SLC35F1: variants seen among roughly 807,000 people sequenced by gnomAD.
SLC35F1 encodes solute carrier family 35 member F1, also known as chromosome 6 open reading frame 169.
Under a neutral mutation model 48.7 loss-of-function variants are expected in SLC35F1, and 14 were observed. The observed-to-expected ratio is 0.29, with a 90% CI of 0.19 to 0.45. The LOEUF (loss-of-function observed/expected upper bound fraction) is 0.45, where lower values mean the gene tolerates loss of function less well. Among genes scored for constraint, SLC35F1 ranks in the 20% least tolerant of loss-of-function variants. The pLI is 1.00. For missense variants in SLC35F1, 404 were observed against 500.0 expected, an observed-to-expected ratio of 0.81 and a Z score of 1.83; for synonymous variants, 190 against 202.2, an observed-to-expected ratio of 0.94 and a Z score of 0.51.
At chr6:118,138,320 A>G (rs1773828716) in intron 1 of SLC35F1, among the ~76,000 whole-genome samples, 1 of 152,106 alleles carries the variant, frequency 6.6e-6, no homozygotes, top group Admixed American at 6.6e-5. Flanking sequence ...AAAAAAAAAA[A>G]AATTAAAAAC....
intron 1 of SLC35F1, among the ~76,000 whole-genome samples, chr6:118,007,025 ATGT>A (rs953810303): frequency 1.9e-4 from 24 of 129,702 alleles, no homozygotes; most frequent in South Asian, 7.2e-4. Context: ...TTGACAACAC[ATGT>A]TGTTTTTTTT....
intron 3 of SLC35F1, among the ~76,000 whole-genome samples, chr6:118,244,449 A>G (rs1327705481): frequency 1.3e-5 from 2 of 152,256 alleles, no homozygotes; most frequent in Admixed American, 6.5e-5. Flanking sequence ...AGTCATATTG[A>G]TACTCATTTT....
At chr6:118,195,449 A>G (rs960541903) in intron 2 of SLC35F1, among the ~76,000 whole-genome samples, 3 of 152,040 alleles carry the variant, frequency 2.0e-5, no homozygotes, top group Non-Finnish European at 2.9e-5. Context: ...TCAGGATCCC[A>G]TTTTTACCTA....
At chr6:118,242,289 T>C (rs1775451031) in intron 3 of SLC35F1, among the ~76,000 whole-genome samples, 1 of 152,244 alleles carries the variant, frequency 6.6e-6, no homozygotes, top group Non-Finnish European at 1.5e-5. Flanking sequence ...AATATTTCAT[T>C]GTGGTTTTAA....
intron 1 of SLC35F1, among the ~76,000 whole-genome samples, chr6:118,094,007 C>T (rs1255220107): frequency 1.3e-5 from 2 of 152,184 alleles, no homozygotes; most frequent in Admixed American, 6.5e-5. Flanking sequence ...TGCATGTAAA[C>T]CGATCTTTGA....
intron 1 of SLC35F1, among the ~76,000 whole-genome samples, chr6:117,940,043 G>A (rs1298765894): frequency 6.6e-6 from 1 of 152,178 alleles, no homozygotes; most frequent in East Asian, 1.9e-4. Flanking sequence ...GCTGATTAGA[G>A]AGACCCTGCT....
At chr6:118,034,036 C>T (rs1772091376) in intron 1 of SLC35F1, among the ~76,000 whole-genome samples, 1 of 152,118 alleles carries the variant, frequency 6.6e-6, no homozygotes, top group Non-Finnish European at 1.5e-5. Context: ...GTACTACTGT[C>T]AGAATATTTT....
intron 2 of SLC35F1, among the ~76,000 whole-genome samples, chr6:118,174,551 G>C (rs752644852): frequency 6.6e-6 from 1 of 152,070 alleles, no homozygotes; most frequent in Non-Finnish European, 1.5e-5. Context: ...TATCCAAGGT[G>C]TATGGGACAA....
chr6:118,137,468 G>T (rs910541470), intron 1 of SLC35F1, among the ~76,000 whole-genome samples: 4 of 152,130 alleles, frequency 2.6e-5, no homozygotes, highest in African/African-American at 9.7e-5. Context: ...ATTTGGGAAA[G>T]GAGTTCCCCC....
At chr6:118,001,010 A>C (rs973562600) in intron 1 of SLC35F1, among the ~76,000 whole-genome samples, 7 of 152,104 alleles carry the variant, frequency 4.6e-5, no homozygotes, top group Non-Finnish European at 1.0e-4. Flanking sequence ...ATATTGTGAA[A>C]ATGGCCATAC....
intron 6 of SLC35F1, among the ~76,000 whole-genome samples, chr6:118,278,529 G>A (rs983753274): frequency 5.3e-5 from 8 of 152,204 alleles, no homozygotes; most frequent in Non-Finnish European, 1.2e-4. Context: ...AAGGCACATT[G>A]TGAGCCACAG....
intron 1 of SLC35F1, among the ~76,000 whole-genome samples, chr6:118,012,496 G>C (rs900907646): frequency 2.0e-5 from 3 of 152,098 alleles, no homozygotes; most frequent in Admixed American, 6.6e-5. Context: ...GCCATGCTTT[G>C]AGAGCCATGC....
At position 118,049,356 on chromosome 6, in the gene SLC35F1, T is replaced by G. The variant is rs62431216; in HGVS notation, c.174-105089T>G. Among the ~76,000 whole-genome samples the G allele has an allele frequency of 7.3e-3, 1,114 of 152,116 alleles. 5 individuals are homozygous for G. The highest frequency in any genetic ancestry group is 0.013 in the Non-Finnish European group (865 of 67,972). On this transcript the variant is annotated intron_variant, in intron 1 of 7. Transcript: ENST00000360388. ...AAGCAATGGCAACAAAAGCCAAAAT[T>G]GACAAATGGGATCTAATTAAACTAA...
At chr6:118,238,741 A>G (rs1409171692) in intron 3 of SLC35F1, among the ~76,000 whole-genome samples, 1 of 152,150 alleles carries the variant, frequency 6.6e-6, no homozygotes, top group Admixed American at 6.5e-5. Context: ...AAAGTCTAGC[A>G]CTGTATTCTG....
intron 1 of SLC35F1, among the ~76,000 whole-genome samples, chr6:117,963,747 TG>T (rs1776526228): frequency 6.6e-6 from 1 of 152,208 alleles, no homozygotes; most frequent in African/African-American, 2.4e-5. Flanking sequence ...TTACTTTGGT[TG>T]GGTATAAACA....
chr6:118,197,469 A>C (rs909935099), intron 2 of SLC35F1, among the ~76,000 whole-genome samples: 1 of 152,234 alleles, frequency 6.6e-6, no homozygotes, highest in Non-Finnish European at 1.5e-5. Flanking sequence ...CATCTGGTTT[A>C]GAAAGTACAG....
chr6:118,268,997 A>T (rs1249274918), intron 4 of SLC35F1, among the ~76,000 whole-genome samples: 1 of 152,088 alleles, frequency 6.6e-6, no homozygotes, highest in Non-Finnish European at 1.5e-5. Flanking sequence ...TAGTTATAAA[A>T]ACTCTATCTT....
rs117681216 is a variant in SLC35F1, at chr6:117,989,245, G to A, written c.173+81346G>A. Among the ~76,000 whole-genome samples, 830 of 152,324 alleles carry A rather than the reference G, an allele frequency of 5.4e-3. 6 individuals carry two copies. Among genetic ancestry groups the A allele is most frequent in the Middle Eastern group, 0.027 (8 of 294 alleles). On this transcript the variant is annotated intron_variant, in intron 1 of 7. Transcript: ENST00000360388. ...TCCAGACAAAACAGTTTCACAAACA[G>A]CATCCTTGTACCATTTTTAGCTGAA...
intron 6 of SLC35F1, among the ~76,000 whole-genome samples, chr6:118,284,054 A>C (rs993010745): frequency 7.9e-5 from 12 of 152,188 alleles, no homozygotes; most frequent in Middle Eastern, 3.4e-3. Flanking sequence ...TGTGGCTTTC[A>C]TATGGAACGA....
Sources: allele counts gnomAD v4.1 joint callset (sites outside exome capture counted in the v4.1 genomes callset), GRCh38; gene constraint gnomAD v4.1.1; transcripts MANE v1.5; gene names NCBI Gene and HGNC (gene_info 2026-07-23, HGNC 2026-07-21).